Variants in UBN2 observed in about 807,000 individuals in gnomAD.
The protein encoded by UBN2 is ubinuclein 2.
UBN2 carries 35 observed loss-of-function variants against 120.2 expected under a neutral mutation model. The observed-to-expected ratio is 0.29, with a 90% confidence interval of 0.22 to 0.39. The LOEUF (loss-of-function observed/expected upper bound fraction) is 0.39, where lower values mean the gene tolerates loss of function less well. Ranked by LOEUF, UBN2 falls within the 10% of genes least tolerant of loss-of-function variation. The probability of loss-of-function intolerance (pLI) is 1.00; values close to 1 mark genes in which losing one functional copy is unlikely to be tolerated. For synonymous variants in UBN2, 661 were observed against 648.7 expected, an observed-to-expected ratio of 1.02 and a Z score of -0.29; for missense variants, 1,693 against 1,663.2, an observed-to-expected ratio of 1.02 and a Z score of -0.31.
At chr7:139,291,812 C>G (rs976924689) in intron 15 of UBN2, among the ~76,000 whole-genome samples, 2 of 151,746 alleles carry the variant, frequency 1.3e-5, no homozygotes, top group Non-Finnish European at 2.9e-5. Flanking sequence ...TACAATTGTT[C>G]CACTGCTCTC....
the UBN2 span, among the ~76,000 whole-genome samples, chr7:139,318,330 TTC>T: frequency 6.6e-6 from 1 of 152,180 alleles, no homozygotes; most frequent in African/African-American, 2.4e-5. Flanking sequence ...CAGAGCAAAC[TTC>T]CAGGCACCTG....
At chr7:139,314,367 A>G in the UBN2 span, among the ~76,000 whole-genome samples, 14 of 151,668 alleles carry the variant, frequency 9.2e-5, no homozygotes, top group African/African-American at 3.4e-4. Context: ...AGGCAGGAGA[A>G]TCGCTTGAAC....
At chr7:139,284,831 G>A (rs186674361) in intron 15 of UBN2, among the ~76,000 whole-genome samples, 1 of 152,066 alleles carries the variant, frequency 6.6e-6, no homozygotes, top group East Asian at 1.9e-4. Context: ...ACAGAACGAT[G>A]TCTTCATTAC....
rs749083091 is a variant in UBN2 at position 139,237,572 on chromosome 7, T to G, written c.561+475T>G. Among the ~76,000 whole-genome samples, 44 of 152,170 alleles carry G rather than the reference T, an allele frequency of 2.9e-4. 1 individual carries two copies. Among genetic ancestry groups the G allele is most frequent in the Non-Finnish European group, 6.2e-4 (42 of 68,020 alleles). ...AAGTAGCCATCATTTATTATAGTCT[T>G]TCTAGAGTCTGGGCGGTTTGCTTTA... On this transcript the variant is annotated intron_variant, in intron 2 of 17. Transcript: ENST00000473989.
intron 3 of UBN2, among the ~76,000 whole-genome samples, chr7:139,257,803 T>C (rs1274832389): frequency 6.6e-6 from 1 of 152,236 alleles, no homozygotes; most frequent in Non-Finnish European, 1.5e-5. Context: ...ATGTTGTTGC[T>C]GTTTTTTGTT....
intron 2 of UBN2, among the ~76,000 whole-genome samples, chr7:139,250,835 A>G (rs932387440): frequency 1.3e-5 from 2 of 152,206 alleles, no homozygotes; most frequent in Non-Finnish European, 2.9e-5. Flanking sequence ...GGCTGGACCC[A>G]GTGGCTCACA....
At chr7:139,296,139 A>G (rs951210005) in intron 17 of UBN2, among the ~76,000 whole-genome samples, 3 of 152,224 alleles carry the variant, frequency 2.0e-5, no homozygotes, top group Non-Finnish European at 4.4e-5. Context: ...TAAAGCTTCT[A>G]GCTTGGCACC....
At chr7:139,232,130 C>G (rs1796039360) in intron 1 of UBN2, among the ~76,000 whole-genome samples, 178 bp downstream of exon 1, 1 of 152,086 alleles carries the variant, frequency 6.6e-6, no homozygotes, top group African/African-American at 2.4e-5. Context: ...TTCTCCACTC[C>G]CCAGGGTGGC....
chr7:139,315,543 A>G, the UBN2 span: 3 of 152,102 alleles, frequency 2.0e-5, no homozygotes, highest in Non-Finnish European at 4.4e-5. Flanking sequence ...TCATCGGGTG[A>G]TAGACACTTG....
intron 11 of UBN2, among the ~76,000 whole-genome samples, chr7:139,274,995 TG>T (rs1477224741): frequency 6.6e-6 from 1 of 151,864 alleles, no homozygotes; most frequent in Admixed American, 6.6e-5. Context: ...GTTAAGAATG[TG>T]GCCCGTTGCG....
chr7:139,257,233 C>T (rs1303608754), intron 3 of UBN2, among the ~76,000 whole-genome samples: 2 of 152,118 alleles, frequency 1.3e-5, no homozygotes, highest in Non-Finnish European at 2.9e-5. Flanking sequence ...GAGATCTAGC[C>T]TTTGGGAACA....
intron 2 of UBN2, among the ~76,000 whole-genome samples, chr7:139,240,446 ATATATATAT>A (rs1416264438): frequency 7.6e-5 from 3 of 39,554 alleles, no homozygotes; most frequent in African/African-American, 2.0e-4. Context: ...ATATATATAT[ATATATATAT>A]TTTTTTTTTT....
downstream of UBN2, among the ~76,000 whole-genome samples, chr7:139,309,094 G>A (rs1798412277): frequency 6.6e-6 from 1 of 152,130 alleles, no homozygotes; most frequent in Non-Finnish European, 1.5e-5. Flanking sequence ...TTCAGGTAAG[G>A]GGTGGGAGAA....
At position 139,283,977 on chromosome 7, in the gene UBN2, G is replaced by A. The variant is rs754737041; in HGVS notation, c.3072G>A (p.Thr1024=). ...AGGCTATGGTGTCACAGATCTCCAC[G>A]CAGGGTTTCAAATCTCCCTTCTCGA... ...LAKAMVSQIS[T]QGFKSPFSMA... Residue 1024 remains threonine (T), a synonymous_variant, in exon 15 of 18, where the codon ACG becomes ACA. Transcript: ENST00000473989. 10 of 1,613,836 alleles carry A rather than the reference G, an allele frequency of 6.2e-6. No individual in the cohort carries two copies. The highest frequency in any genetic ancestry group is 2.2e-5 in the East Asian group (1 of 44,864).
Position 139,264,892 on chromosome 7 carries a change from A to G in UBN2, c.1396-1441A>G, listed in dbSNP as rs893796762. 8.5e-5 allele frequency among the ~76,000 whole-genome samples: 13 copies of G among 152,250 alleles called. No homozygotes were observed. The South Asian group carries it at 2.1e-3, about 24-fold the overall frequency. Reference sequence around the variant, plus strand: ...TGAGCCACCATGCCTGGCCTACACTATTTTTTAATTAATACATATAAGATG... The same window carrying G: ...TGAGCCACCATGCCTGGCCTACACTGTTTTTTAATTAATACATATAAGATG... On this transcript the variant is annotated intron_variant, in intron 6 of 17. Transcript: ENST00000473989.
At chr7:139,293,144 A>C (rs775981779) in intron 15 of UBN2, 88 bp from the exon 16 acceptor site, 71 of 1,054,712 alleles carry the variant, frequency 6.7e-5, no homozygotes, top group Non-Finnish European at 9.7e-5. Context: ...TGTAAGGCAC[A>C]GTCTTGCATC....
chr7:139,271,542 TG>T (rs2131007175), intron 8 of UBN2, among the ~76,000 whole-genome samples: 1 of 150,312 alleles, frequency 6.7e-6, no homozygotes, highest in South Asian at 2.1e-4. Context: ...GCCAAGATGG[TG>T]CCACTGCACT....
intron 15 of UBN2, among the ~76,000 whole-genome samples, chr7:139,285,761 AAGAC>A (rs1211425326): frequency 1.3e-5 from 2 of 151,696 alleles, no homozygotes; most frequent in Non-Finnish European, 2.9e-5. Flanking sequence ...ATTTTTCCCT[AAGAC>A]AGAGTCTCGC....
chr7:139,239,627 G>A (rs553592793), intron 2 of UBN2, among the ~76,000 whole-genome samples: 71 of 137,480 alleles, frequency 5.2e-4, no homozygotes, highest in African/African-American at 1.9e-3. Context: ...GCGCTATCTC[G>A]GCTCACTGCA....
Sources: allele counts gnomAD v4.1 joint callset (sites outside exome capture counted in the v4.1 genomes callset), GRCh38; gene constraint gnomAD v4.1.1; transcripts MANE v1.5; gene names NCBI Gene and HGNC (gene_info 2026-07-23, HGNC 2026-07-21).